The following GRID2 variants were observed in gnomAD, a reference collection of about 807,000 sequenced individuals.
GRID2 encodes the protein glutamate receptor ionotropic, delta-2.
A neutral mutation model predicts 114.8 loss-of-function variants in GRID2; 33 were observed. The observed-to-expected ratio is 0.29, with a 90% confidence interval of 0.22 to 0.38. GRID2 has a LOEUF of 0.38. Among genes scored for constraint, GRID2 ranks in the 10% least tolerant of loss-of-function variants. The pLI, the probability that GRID2 is intolerant of heterozygous loss-of-function variation, is 1.00. For missense variants in GRID2, 1,184 were observed against 1,257.7 expected (o/e 0.94, Z 0.89); for synonymous variants, 505 against 449.9 (o/e 1.12, Z -1.55).
chr4:92,744,849 A>G (rs1325176047), intron 2 of GRID2, among the ~76,000 whole-genome samples: 2 of 152,128 alleles, frequency 1.3e-5, no homozygotes, highest in Admixed American at 6.6e-5. Context: ...CCATTTCCCT[A>G]ACTGGATTAT....
intron 2 of GRID2, among the ~76,000 whole-genome samples, chr4:92,839,290 T>C (rs115482110): frequency 1.2e-4 from 18 of 151,942 alleles, no homozygotes; most frequent in Middle Eastern, 3.4e-3. Flanking sequence ...TTTAATACTT[T>C]ATGTTTTAGG....
At chr4:92,698,102 A>G (rs1734505714) in intron 2 of GRID2, among the ~76,000 whole-genome samples, 1 of 152,152 alleles carries the variant, frequency 6.6e-6, no homozygotes, top group South Asian at 2.1e-4. Flanking sequence ...TGTGCACGAC[A>G]GAGATAACAA....
At chr4:92,557,575 A>AAT (rs1726910509) in intron 1 of GRID2, among the ~76,000 whole-genome samples, 1 of 150,128 alleles carries the variant, frequency 6.7e-6, no homozygotes, top group African/African-American at 2.4e-5. Context: ...TTACTGCAGA[A>AAT]ATATATATAA....
intron 2 of GRID2, among the ~76,000 whole-genome samples, chr4:92,961,855 G>T (rs1246908367): frequency 2.0e-5 from 3 of 151,136 alleles, no homozygotes; most frequent in African/African-American, 4.9e-5. Flanking sequence ...TGTTGTTGAT[G>T]GTTTTTTTAA....
intron 2 of GRID2, among the ~76,000 whole-genome samples, chr4:92,618,940 T>G (rs745994406): frequency 6.6e-6 from 1 of 151,758 alleles, no homozygotes. Flanking sequence ...GTCCTTACAT[T>G]TTTCTAGATC....
intron 11 of GRID2, among the ~76,000 whole-genome samples, chr4:93,470,443 G>A (rs996969453): frequency 6.6e-6 from 1 of 152,078 alleles, no homozygotes; most frequent in East Asian, 1.9e-4. Context: ...ACTTGACAGC[G>A]ATGCAATTTA....
intron 2 of GRID2, among the ~76,000 whole-genome samples, chr4:92,784,495 A>T (rs1470781394): frequency 6.6e-6 from 1 of 151,978 alleles, no homozygotes; most frequent in South Asian, 2.1e-4. Flanking sequence ...AGTGAAATTC[A>T]TGAGTATATA....
intron 9 of GRID2, among the ~76,000 whole-genome samples, chr4:93,402,983 G>T (rs71599280): frequency 2.6e-5 from 4 of 152,198 alleles, no homozygotes; most frequent in African/African-American, 9.6e-5. Flanking sequence ...AGGTCCCAGC[G>T]TTTGAGCCTC....
At chr4:92,828,752 G>A (rs182782070) in intron 2 of GRID2, among the ~76,000 whole-genome samples, 1 of 151,828 alleles carries the variant, frequency 6.6e-6, no homozygotes, top group African/African-American at 2.4e-5. Context: ...TCAAAAATTT[G>A]CTAGCTTTTT....
intron 2 of GRID2, among the ~76,000 whole-genome samples, chr4:92,921,790 G>C (rs933521657): frequency 6.6e-6 from 1 of 152,120 alleles, no homozygotes; most frequent in African/African-American, 2.4e-5. Flanking sequence ...GCTACTCAGG[G>C]GTCAGGGACC....
intron 6 of GRID2, among the ~76,000 whole-genome samples, chr4:93,220,987 A>G (rs1253597435): frequency 1.3e-5 from 2 of 152,176 alleles, no homozygotes; most frequent in Admixed American, 1.3e-4. Flanking sequence ...GAAAAAGCAC[A>G]GATAAAGTAT....
chr4:93,566,367 G>A (rs1326890905), intron 13 of GRID2, among the ~76,000 whole-genome samples: 2 of 152,096 alleles, frequency 1.3e-5, no homozygotes, highest in African/African-American at 4.8e-5. Context: ...CTAGGAGCTG[G>A]GGAAGGGATT....
chr4:93,324,657 G>T (rs1054498909), intron 8 of GRID2, among the ~76,000 whole-genome samples: 3 of 152,060 alleles, frequency 2.0e-5, no homozygotes, highest in African/African-American at 7.2e-5. Context: ...CTGTGAATCT[G>T]TCTGGTCCTG....
chr4:93,050,642 A>G (rs1404242462), intron 2 of GRID2, among the ~76,000 whole-genome samples: 1 of 151,832 alleles, frequency 6.6e-6, no homozygotes, highest in Non-Finnish European at 1.5e-5. Flanking sequence ...TAAATTGTTC[A>G]TTTTTAGATA....
At chr4:93,538,533 G>T (rs1017830880) in intron 13 of GRID2, among the ~76,000 whole-genome samples, 1 of 151,702 alleles carries the variant, frequency 6.6e-6, no homozygotes, top group East Asian at 1.9e-4. Flanking sequence ...TTAGTGATTG[G>T]TTTCCAAAGA....
At chr4:93,124,225 T>C (rs1734070960) in intron 4 of GRID2, among the ~76,000 whole-genome samples, 1 of 152,090 alleles carries the variant, frequency 6.6e-6, no homozygotes, top group African/African-American at 2.4e-5. Context: ...CATATGAAGG[T>C]ATTCTCTGTG....
intron 2 of GRID2, among the ~76,000 whole-genome samples, chr4:92,739,417 ATG>A (rs1199554685): frequency 6.6e-6 from 1 of 152,138 alleles, no homozygotes; most frequent in Non-Finnish European, 1.5e-5. Context: ...CTTTAAACAT[ATG>A]AGTAACATTT....
chr4:93,403,746 T>A (rs1421588328), intron 9 of GRID2, among the ~76,000 whole-genome samples: 1 of 152,090 alleles, frequency 6.6e-6, no homozygotes, highest in African/African-American at 2.4e-5. Flanking sequence ...GCAAGGATGT[T>A]GAAAAATCAG....
At chr4:92,871,130 A>G (rs936242028) in intron 2 of GRID2, among the ~76,000 whole-genome samples, 2 of 152,192 alleles carry the variant, frequency 1.3e-5, no homozygotes, top group Non-Finnish European at 1.5e-5. Flanking sequence ...ACAGATAGAT[A>G]GAAACAAAAA....
Sources: allele counts gnomAD v4.1 joint callset (sites outside exome capture counted in the v4.1 genomes callset), GRCh38; gene constraint gnomAD v4.1.1; transcripts MANE v1.5; gene names NCBI Gene and HGNC (gene_info 2026-07-23, HGNC 2026-07-21).